The following CELF2 variants were observed in gnomAD, a reference collection of about 807,000 sequenced individuals.
The protein encoded by CELF2 is CUG triplet repeat RNA-binding protein 2.
CELF2 carries 8 observed loss-of-function variants against 62.6 expected under a neutral mutation model. The observed-to-expected ratio is 0.13, with a 90% confidence interval of 0.07 to 0.23. CELF2 has a LOEUF of 0.23. Among genes scored for constraint, CELF2 ranks in the 10% least tolerant of loss-of-function variants. The probability of loss-of-function intolerance (pLI) is 1.00; values close to 1 mark genes in which losing one functional copy is unlikely to be tolerated. For synonymous variants in CELF2, 258 were observed against 250.0 expected (o/e 1.03, Z -0.30); for missense variants, 333 against 671.0 (o/e 0.50, Z 5.56).
At chr10:11,303,291 C>G (rs2093936685) in intron 9 of CELF2, among the ~76,000 whole-genome samples, 1 of 152,168 alleles carries the variant, frequency 6.6e-6, no homozygotes, top group Non-Finnish European at 1.5e-5. Flanking sequence ...ACTCAACTTT[C>G]ATGTCTGGTC....
chr10:11,188,676 T>A (rs372243952), intron 2 of CELF2, among the ~76,000 whole-genome samples: 4 of 152,314 alleles, frequency 2.6e-5, no homozygotes, highest in East Asian at 3.9e-4. Context: ...GAGCTTACAG[T>A]TTTCATCAAA....
chr10:10,962,896 T>C (rs1050177950), intron 2 of CELF2, among the ~76,000 whole-genome samples: 18 of 152,222 alleles, frequency 1.2e-4, no homozygotes, highest in Admixed American at 5.2e-4. Flanking sequence ...CCATTTTCCA[T>C]AGTGACCATA....
chr10:10,772,520 C>T, the CELF2 span, among the ~76,000 whole-genome samples: 1 of 152,186 alleles, frequency 6.6e-6, no homozygotes, highest in Non-Finnish European at 1.5e-5. Context: ...ATAAACACTG[C>T]TGCCTAGTTG....
At chr10:11,068,956 G>A (rs1047268509) in intron 1 of CELF2, among the ~76,000 whole-genome samples, 14 of 152,108 alleles carry the variant, frequency 9.2e-5, no homozygotes, top group Admixed American at 6.5e-4. Context: ...ACGTTGTGAC[G>A]TCTTAGTGGT....
intron 2 of CELF2, among the ~76,000 whole-genome samples, chr10:11,187,809 C>G (rs547650706): frequency 6.6e-6 from 1 of 152,166 alleles, no homozygotes; most frequent in Non-Finnish European, 1.5e-5. Context: ...TTTGCTTTTA[C>G]ATGTTAAAAT....
In CELF2 at chr10:11,227,736, C is replaced by T. The variant is rs1380712475; in HGVS notation, c.354+10229C>T. Among the ~76,000 whole-genome samples, 3 of 152,194 alleles carry T rather than the reference C, an allele frequency of 2.0e-5. No individual in the cohort carries two copies. The highest frequency in any genetic ancestry group is 2.0e-4 in the Admixed American group (3 of 15,278). On this transcript the variant is annotated intron_variant, in intron 3 of 12. Coordinates refer to ENST00000633077, the MANE Select transcript of CELF2 (RefSeq NM_001326342.2). This position sits in a 1 kb window ranked among gnomAD's most constrained non-coding sequence, Gnocchi z 4.8. ...GTGGCCTCTGGCAGCTTGGGTTAGA[C>T]CAGGTGGTTATTTGCCACCTGTAGG... is the stretch of plus-strand genomic sequence containing the variant.
At chr10:10,964,777 C>G (rs2049934776) in intron 2 of CELF2, among the ~76,000 whole-genome samples, 1 of 146,954 alleles carries the variant, frequency 6.8e-6, no homozygotes, top group Non-Finnish European at 1.5e-5. Flanking sequence ...CAGCGCAGCT[C>G]TTTAAACCAA....
chr10:10,512,495 C>T, the CELF2 span, among the ~76,000 whole-genome samples: 3 of 151,408 alleles, frequency 2.0e-5, no homozygotes, highest in Non-Finnish European at 4.4e-5. Flanking sequence ...CAACCTCCGC[C>T]TCCCAGGTCA....
intron 7 of CELF2, among the ~76,000 whole-genome samples, chr10:11,273,397 G>A (rs1438467956): frequency 6.6e-6 from 1 of 152,156 alleles, no homozygotes; most frequent in Non-Finnish European, 1.5e-5. Context: ...GGTCTAGGTT[G>A]CGTGCTCCTT....
chr10:11,271,020 A>G (rs1402946361), intron 7 of CELF2, among the ~76,000 whole-genome samples, 196 bp downstream of exon 7: 3 of 152,178 alleles, frequency 2.0e-5, no homozygotes, highest in African/African-American at 7.2e-5. Flanking sequence ...TTCCTGCCTG[A>G]TGTAGGAGGG....
In CELF2 at chr10:11,315,269, G is replaced by T. The variant is rs2094871875; in HGVS notation, c.1096+1011G>T. Among the ~76,000 whole-genome samples the T allele has an allele frequency of 6.6e-6, 1 of 152,134 alleles. No homozygotes were observed. The highest frequency in any genetic ancestry group is 2.4e-5 in the African/African-American group (1 of 41,402). On this transcript the variant is annotated intron_variant, in intron 10 of 12. Transcript: ENST00000633077. This position sits in a 1 kb window ranked among gnomAD's most constrained non-coding sequence, Gnocchi z 5.8. The stretch of plus-strand genomic sequence containing the variant: ...ACAGCTAACAGAGCTGCTGATACGG[G>T]AGCCCAGTTAGCTACCATGCAGCCC...
chr10:10,925,758 C>T (rs1026636069), intron 2 of CELF2, among the ~76,000 whole-genome samples: 2 of 152,086 alleles, frequency 1.3e-5, no homozygotes, highest in Admixed American at 6.5e-5. Context: ...CCCTCCAAAC[C>T]GTCTTCTTTC....
At chr10:11,120,160 G>A (rs181797526) in intron 1 of CELF2, among the ~76,000 whole-genome samples, 5 of 152,226 alleles carry the variant, frequency 3.3e-5, no homozygotes, top group East Asian at 3.9e-4. Flanking sequence ...GGTGTCAGGG[G>A]ATACTGTCTT....
chr10:11,056,122 G>A (rs1260253888), intron 1 of CELF2, among the ~76,000 whole-genome samples: 1 of 152,228 alleles, frequency 6.6e-6, no homozygotes, highest in Non-Finnish European at 1.5e-5. Context: ...GGAAACTGGA[G>A]ATTTTTGTTA....
the CELF2 span, among the ~76,000 whole-genome samples, chr10:10,469,420 A>C: frequency 6.6e-6 from 1 of 151,918 alleles, no homozygotes; most frequent in African/African-American, 2.4e-5. Context: ...CTCTCACTGT[A>C]GAGAATGAGG....
At chr10:10,982,453 T>C (rs531941491) in intron 2 of CELF2, among the ~76,000 whole-genome samples, 2 of 152,246 alleles carry the variant, frequency 1.3e-5, no homozygotes, top group Admixed American at 1.3e-4. Context: ...TATTGGCTGC[T>C]ACAAAAATTT....
the CELF2 span, among the ~76,000 whole-genome samples, chr10:10,649,689 G>A: frequency 2.6e-5 from 4 of 152,146 alleles, no homozygotes; most frequent in Non-Finnish European, 5.9e-5. Flanking sequence ...ATCTAGAAGA[G>A]GCAAGTGAAT....
chr10:10,979,879 G>A (rs987273257), intron 2 of CELF2, among the ~76,000 whole-genome samples: 1 of 152,162 alleles, frequency 6.6e-6, no homozygotes, highest in Non-Finnish European at 1.5e-5. Context: ...TGCAAGGATT[G>A]TGGTAACTAT....
intron 1 of CELF2, among the ~76,000 whole-genome samples, chr10:10,836,809 G>T (rs564774171): frequency 2.0e-5 from 3 of 152,178 alleles, no homozygotes; most frequent in Admixed American, 2.0e-4. Flanking sequence ...CTAATTTTTT[G>T]TATTTTTAAT....
Sources: gnomAD v4.1 joint callset for allele counts (sites outside exome capture counted in the v4.1 genomes callset) on GRCh38, gnomAD v4.1.1 for gene constraint, Gnocchi (gnomAD v3.1) non-coding constraint, MANE v1.5 for transcripts, NCBI Gene and HGNC (gene_info 2026-07-23, HGNC 2026-07-21) for gene names.